Variants in ADAMTS3 observed in about 807,000 individuals in gnomAD.
ADAMTS3 encodes ADAM metallopeptidase with thrombospondin type 1 motif 3, also known as A disintegrin and metalloproteinase with thrombospondin motifs 3.
In ADAMTS3, 73 loss-of-function variants were observed where a neutral mutation model predicts 129.0. The ratio of observed to expected loss-of-function variants is 0.57; its 90% confidence interval spans 0.47 to 0.69. The LOEUF is 0.69. ADAMTS3 is among the 30% of genes least tolerant of loss of function. The pLI is 0.00. For missense variants in ADAMTS3, 1,457 were observed against 1,514.5 expected (o/e 0.96, Z 0.63); for synonymous variants, 477 against 510.8 (o/e 0.93, Z 0.89).
At chr4:72,382,044 ATTGAGGC>A (rs952637651) in intron 4 of ADAMTS3, among the ~76,000 whole-genome samples, 2 of 152,122 alleles carry the variant, frequency 1.3e-5, no homozygotes, top group Non-Finnish European at 2.9e-5. Flanking sequence ...GGTGGCAGTA[ATTGAGGC>A]TGTGCATGAA....
At chr4:72,325,416 T>C (rs951720189) in intron 5 of ADAMTS3, among the ~76,000 whole-genome samples, 7 of 152,102 alleles carry the variant, frequency 4.6e-5, no homozygotes, top group Non-Finnish European at 1.0e-4. Flanking sequence ...ATAGTTGCAA[T>C]AAAAGTTAAA....
intron 4 of ADAMTS3, among the ~76,000 whole-genome samples, chr4:72,366,947 T>A (rs1044483902): frequency 6.6e-6 from 1 of 152,056 alleles, no homozygotes; most frequent in African/African-American, 2.4e-5. Flanking sequence ...CTCCTTTCTC[T>A]CCTTTATCCT....
chr4:72,301,226 C>CAA (rs112313502), intron 17 of ADAMTS3, among the ~76,000 whole-genome samples: 4 of 150,538 alleles, frequency 2.7e-5, no homozygotes, highest in East Asian at 2.0e-4. Context: ...CTGGATTAGA[C>CAA]AAAAAAAAAT....
chr4:72,500,202 T>C (rs1209828390), intron 3 of ADAMTS3, among the ~76,000 whole-genome samples: 3 of 152,262 alleles, frequency 2.0e-5, no homozygotes, highest in Admixed American at 1.3e-4. Flanking sequence ...TCCAAACTGA[T>C]TTCCATAGTG....
chr4:72,343,544 G>A (rs1269030598), intron 4 of ADAMTS3, among the ~76,000 whole-genome samples: 2 of 152,070 alleles, frequency 1.3e-5, no homozygotes, highest in African/African-American at 4.8e-5. Context: ...TAAGGAATGT[G>A]TCCCCTGCCT....
At chr4:72,486,756 G>A (rs1053941534) in intron 3 of ADAMTS3, among the ~76,000 whole-genome samples, 19 of 152,098 alleles carry the variant, frequency 1.2e-4, no homozygotes, top group African/African-American at 3.6e-4. Flanking sequence ...ACAGGCATTC[G>A]AGGGTCAATG....
chr4:72,395,354 T>C (rs1435833999), intron 4 of ADAMTS3, among the ~76,000 whole-genome samples: 1 of 152,162 alleles, frequency 6.6e-6, no homozygotes, highest in Non-Finnish European at 1.5e-5. Context: ...TATATCCATA[T>C]ATGCAGTCTA....
chr4:72,518,353 A>C (rs1085961), intron 3 of ADAMTS3, among the ~76,000 whole-genome samples: 99,213 of 151,980 alleles, frequency 0.65, 33,016 homozygotes, highest in African/African-American at 0.79. Context: ...TCTATTAGGT[A>C]CACTTGGTGC....
intron 3 of ADAMTS3, among the ~76,000 whole-genome samples, chr4:72,518,037 T>A (rs1220489058): frequency 2.6e-5 from 4 of 152,184 alleles, no homozygotes; most frequent in Non-Finnish European, 4.4e-5. Context: ...GTATGTTGCG[T>A]CTTTGTTCTC....
intron 4 of ADAMTS3, among the ~76,000 whole-genome samples, chr4:72,373,158 T>C (rs377604304): frequency 5.3e-5 from 8 of 152,152 alleles, no homozygotes; most frequent in Non-Finnish European, 7.4e-5. Context: ...CTTTAAAACA[T>C]AGCACAGGTT....
At chr4:72,388,380 C>A (rs1458558595) in intron 4 of ADAMTS3, among the ~76,000 whole-genome samples, 6 of 152,154 alleles carry the variant, frequency 3.9e-5, no homozygotes, top group African/African-American at 9.7e-5. Flanking sequence ...TATATTGAGG[C>A]CCCTCTTCCA....
At chr4:72,326,533 G>A (rs1032061838) in intron 5 of ADAMTS3, among the ~76,000 whole-genome samples, 3 of 151,854 alleles carry the variant, frequency 2.0e-5, no homozygotes, top group Admixed American at 6.6e-5. Flanking sequence ...AGTGACCTTC[G>A]GTTGGTCATT....
At chr4:72,479,487 C>A (rs975497670) in intron 3 of ADAMTS3, among the ~76,000 whole-genome samples, 29 of 152,218 alleles carry the variant, frequency 1.9e-4, no homozygotes, top group African/African-American at 6.5e-4. Context: ...AACTGGCTAG[C>A]CATATGTAGA....
chr4:72,526,659 T>C (rs1192096625), intron 3 of ADAMTS3, among the ~76,000 whole-genome samples: 1 of 145,212 alleles, frequency 6.9e-6, no homozygotes, highest in African/African-American at 2.5e-5. Flanking sequence ...GAAGGACTTT[T>C]ATATAACCAT....
intron 5 of ADAMTS3, among the ~76,000 whole-genome samples, chr4:72,326,943 A>C (rs1402090109): frequency 6.6e-6 from 1 of 152,130 alleles, no homozygotes; most frequent in Admixed American, 6.6e-5. Context: ...GCTGCTTCAT[A>C]CACCTGAATG....
chr4:72,507,410 C>T (rs1356838352), intron 3 of ADAMTS3, among the ~76,000 whole-genome samples: 2 of 152,118 alleles, frequency 1.3e-5, no homozygotes, highest in Admixed American at 1.3e-4. Context: ...AGATAAGGGC[C>T]ATACGAAATA....
intron 4 of ADAMTS3, among the ~76,000 whole-genome samples, chr4:72,368,097 T>G (rs1720917225): frequency 1.3e-5 from 2 of 152,222 alleles, no homozygotes; most frequent in South Asian, 2.1e-4. Context: ...GTTCTCATAT[T>G]CATGTATAGT....
chr4:72,530,341 TA>T (rs1215310970), intron 3 of ADAMTS3, among the ~76,000 whole-genome samples: 2 of 85,140 alleles, frequency 2.3e-5, no homozygotes, highest in African/African-American at 4.7e-5. Flanking sequence ...ATATAATATA[TA>T]ATATATATTA....
intron 3 of ADAMTS3, among the ~76,000 whole-genome samples, chr4:72,529,766 A>C (rs13132021): frequency 0.33 from 34,571 of 103,306 alleles, 6,352 homozygotes; most frequent in South Asian, 0.54. Flanking sequence ...TAATATTAAT[A>C]TATGTTAATT....
Sources: allele counts gnomAD v4.1 joint callset (sites outside exome capture counted in the v4.1 genomes callset), GRCh38; gene constraint gnomAD v4.1.1; transcripts MANE v1.5; gene names NCBI Gene and HGNC (gene_info 2026-07-23, HGNC 2026-07-21).